CNGB3: variants seen among roughly 807,000 people sequenced by gnomAD.
The protein encoded by CNGB3 is cyclic nucleotide-gated channel beta-3.
CNGB3 carries 86 observed loss-of-function variants against 92.8 expected under a neutral mutation model. That is an observed-to-expected ratio of 0.93 (90% CI 0.78 to 1.11). CNGB3 has a LOEUF of 1.11. CNGB3 is among the 50% of genes least tolerant of loss of function. CNGB3 has a pLI of 0.00. For synonymous variants in CNGB3, 333 were observed against 332.7 expected (o/e 1.00, Z -0.01); for missense variants, 1,026 against 956.8 (o/e 1.07, Z -0.95).
chr8:86,617,163 T>C (rs1160507134), intron 13 of CNGB3, among the ~76,000 whole-genome samples: 3 of 152,220 alleles, frequency 2.0e-5, no homozygotes, highest in African/African-American at 4.8e-5. Context: ...TGGTGGTTCT[T>C]GTACCCAGGA....
chr8:86,611,672 C>A lies in CNGB3; in HGVS notation c.1579-1G>T, dbSNP rs1057516504. The A allele has an allele frequency of 6.2e-7, 1 of 1,603,758 alleles. No homozygotes were observed. On this transcript the variant is annotated splice_acceptor_variant, in intron 13 of 17. Transcript: ENST00000320005. LOFTEE classifies it high-confidence loss of function. ...CATAAATCATCTGTGTATCACAACC[C>A]TATATAAAAAGAAAAATAATTCTTA...
intron 3 of CNGB3, among the ~76,000 whole-genome samples, chr8:86,683,522 A>G (rs1824122608): frequency 6.6e-6 from 1 of 152,180 alleles, no homozygotes; most frequent in Admixed American, 6.5e-5. Context: ...TGGTAGTCTG[A>G]CTGTACATTG....
At chr8:86,660,311 G>T (rs79219872) in intron 6 of CNGB3, 10 of 341,828 alleles carry the variant, frequency 2.9e-5, no homozygotes, top group Non-Finnish European at 5.2e-5. Context: ...TGGGAGGTGG[G>T]GTTGGGGCCA....
At chr8:86,694,696 A>G (rs1345306812) in intron 3 of CNGB3, among the ~76,000 whole-genome samples, 1 of 147,704 alleles carries the variant, frequency 6.8e-6, no homozygotes, top group Non-Finnish European at 1.5e-5. Flanking sequence ...CACATCTCAG[A>G]CGATGGGTGG....
intron 3 of CNGB3, among the ~76,000 whole-genome samples, chr8:86,676,798 C>T (rs1474412557): frequency 1.3e-5 from 2 of 152,168 alleles, no homozygotes; most frequent in Non-Finnish European, 2.9e-5. Flanking sequence ...AGGTTGGGCC[C>T]TCAATCCAGT....
At chr8:86,590,574 T>G (rs1323630489) in intron 15 of CNGB3, among the ~76,000 whole-genome samples, 2 of 151,198 alleles carry the variant, frequency 1.3e-5, no homozygotes, top group Non-Finnish European at 3.0e-5. Flanking sequence ...GTCTGTAAAG[T>G]ATTTTATTTC....
chr8:86,586,988 T>C (rs1821909343), intron 15 of CNGB3, among the ~76,000 whole-genome samples: 3 of 146,316 alleles, frequency 2.1e-5, no homozygotes, highest in African/African-American at 7.9e-5. Flanking sequence ...CCACATCCTC[T>C]CCAGCACCTG....
At chr8:86,710,130 C>A (rs1185728454) in intron 3 of CNGB3, among the ~76,000 whole-genome samples, 1 of 152,146 alleles carries the variant, frequency 6.6e-6, no homozygotes, top group Non-Finnish European at 1.5e-5. Flanking sequence ...TTGTAAACTG[C>A]CATTCTCCAA....
At chr8:86,653,624 T>A (rs764219294) in intron 7 of CNGB3, among the ~76,000 whole-genome samples, 19 of 152,168 alleles carry the variant, frequency 1.2e-4, no homozygotes, top group Non-Finnish European at 2.2e-4. Flanking sequence ...TAATAATTTT[T>A]ATTTTGAATA....
At chr8:86,634,293 A>G (rs1223980483) in intron 10 of CNGB3, among the ~76,000 whole-genome samples, 1 of 152,158 alleles carries the variant, frequency 6.6e-6, no homozygotes. Flanking sequence ...ATTAGAAACT[A>G]GGCTTTGTGG....
intron 4 of CNGB3, among the ~76,000 whole-genome samples, chr8:86,669,401 A>T (rs967123270): frequency 6.6e-6 from 1 of 152,252 alleles, no homozygotes; most frequent in Non-Finnish European, 1.5e-5. Context: ...ACAGGTTTAA[A>T]GCTCACAAAT....
chr8:86,663,993 TC>T (rs994956248), intron 6 of CNGB3, among the ~76,000 whole-genome samples: 1 of 152,192 alleles, frequency 6.6e-6, no homozygotes, highest in South Asian at 2.1e-4. Context: ...ATTGATTTTC[TC>T]CCCCCTTGTG....
chr8:86,609,396 T>G (rs1445455134), intron 14 of CNGB3, among the ~76,000 whole-genome samples: 2 of 152,216 alleles, frequency 1.3e-5, no homozygotes, highest in African/African-American at 4.8e-5. Flanking sequence ...TGCCTTCTTT[T>G]AACTTGGACT....
intron 2 of CNGB3, among the ~76,000 whole-genome samples, chr8:86,729,103 G>A (rs1296685429): frequency 6.6e-6 from 1 of 152,054 alleles, no homozygotes; most frequent in African/African-American, 2.4e-5. Context: ...TCGAGATGGG[G>A]TTTTGCCATG....
intron 9 of CNGB3, among the ~76,000 whole-genome samples, chr8:86,644,100 C>CTTCCTCTCT (rs906017025): frequency 6.6e-6 from 1 of 150,964 alleles, no homozygotes; most frequent in Non-Finnish European, 1.5e-5. Context: ...AAAAAGAAAA[C>CTTCCTCTCT]TTCCTCTCTT....
intron 15 of CNGB3, among the ~76,000 whole-genome samples, chr8:86,603,015 C>T (rs1165676883): frequency 6.6e-6 from 1 of 152,172 alleles, no homozygotes; most frequent in Non-Finnish European, 1.5e-5. Context: ...CTTGCTTTAC[C>T]TCTAGCCCTT....
At chr8:86,683,140 A>G (rs769574469) in intron 3 of CNGB3, among the ~76,000 whole-genome samples, 5 of 152,198 alleles carry the variant, frequency 3.3e-5, no homozygotes, top group African/African-American at 4.8e-5. Context: ...TTTTTATTTC[A>G]GGTAAAGAAT....
chr8:86,696,925 G>A (rs552077360), intron 3 of CNGB3, among the ~76,000 whole-genome samples: 2 of 152,136 alleles, frequency 1.3e-5, no homozygotes, highest in East Asian at 1.9e-4. Context: ...ATGAGTTATA[G>A]TATATTATTT....
At position 86,579,246 on chromosome 8, in the gene CNGB3, T is replaced by C; in HGVS notation, c.1788A>G (p.Leu596=). ...AGSVFGEISL[L]AAGGGNRRTA... ...TTCGACGGTTTCCTCCTCCTGCTGC[T>C]AGAAGGCTGTAAGAGAGAAAAATGA... The change falls in exon 16 of 18, where the codon CTA becomes CTG. Residue 596 remains leucine (L), a synonymous_variant. Transcript: ENST00000320005. The C allele has an allele frequency of 6.2e-7, 1 of 1,614,036 alleles. No individual in the cohort carries two copies. The highest frequency in any genetic ancestry group is 1.1e-5 in the South Asian group (1 of 91,084).
Sources: allele counts gnomAD v4.1 joint callset (sites outside exome capture counted in the v4.1 genomes callset), GRCh38; gene constraint gnomAD v4.1.1; transcripts MANE v1.5; gene names NCBI Gene and HGNC (gene_info 2026-07-23, HGNC 2026-07-21).